The following SCEL variants were observed in gnomAD, a reference collection of about 807,000 sequenced individuals.
SCEL encodes the protein sciellin.
In SCEL, 113 loss-of-function variants were observed where a neutral mutation model predicts 117.6. That is an observed-to-expected ratio of 0.96 (90% CI 0.83 to 1.12). The LOEUF (loss-of-function observed/expected upper bound fraction) is 1.12, where lower values mean the gene tolerates loss of function less well. Ranked by LOEUF, SCEL falls within the 50% of genes most tolerant of loss-of-function variation. SCEL has a pLI of 0.00. For synonymous variants in SCEL, 270 were observed against 256.2 expected, an observed-to-expected ratio of 1.05 and a Z score of -0.51; for missense variants, 785 against 810.8, an observed-to-expected ratio of 0.97 and a Z score of 0.39.
intron 1 of SCEL, among the ~76,000 whole-genome samples, chr13:77,543,241 G>A (rs904089415): frequency 1.4e-4 from 21 of 151,282 alleles, no homozygotes; most frequent in African/African-American, 5.1e-4. Flanking sequence ...CCACCACCAC[G>A]CCCGGCTAAT....
chr13:77,567,632 T>G (rs775701003), intron 5 of SCEL, 48 bp from the exon 6 acceptor site: 15 of 1,344,094 alleles, frequency 1.1e-5, no homozygotes, highest in Admixed American at 1.7e-5. Flanking sequence ...GAAAGGAGTT[T>G]GATAATTTAA....
chr13:77,536,402 G>A (rs2083424829), intron 1 of SCEL, among the ~76,000 whole-genome samples: 1 of 152,068 alleles, frequency 6.6e-6, no homozygotes, highest in African/African-American at 2.4e-5. Context: ...TCACTTGAAA[G>A]TACCAAGGAG....
chr13:77,596,722 T>TGTGG (rs765183030), intron 12 of SCEL, among the ~76,000 whole-genome samples: 4 of 147,446 alleles, frequency 2.7e-5, no homozygotes, highest in African/African-American at 1.0e-4. Flanking sequence ...TGTGTGTGTG[T>TGTGG]GGTCGGGGGT....
At chr13:77,608,207 G>C (rs535929732) in intron 20 of SCEL, 92 bp downstream of exon 20, 1 of 963,202 alleles carries the variant, frequency 1.0e-6, no homozygotes, top group South Asian at 1.7e-5. Flanking sequence ...TTTGGATTGG[G>C]ATCAGAAAGG....
intron 4 of SCEL, 79 bp downstream of exon 4, chr13:77,559,942 G>A: frequency 8.2e-7 from 1 of 1,224,700 alleles, no homozygotes; most frequent in Admixed American, 1.7e-5. Flanking sequence ...CAAGACAGCT[G>A]AATATTTGCA....
chr13:77,564,544 G>A (rs1363688388), intron 5 of SCEL, among the ~76,000 whole-genome samples: 1 of 152,122 alleles, frequency 6.6e-6, no homozygotes, highest in East Asian at 1.9e-4. Context: ...CAAATTTTTA[G>A]TTTAGATTTG....
chr13:77,602,068 C>T lies in SCEL; in HGVS notation c.921C>T (p.Ile307=). 2 of 1,609,190 alleles carry T rather than the reference C, an allele frequency of 1.2e-6. No homozygotes were observed. Among genetic ancestry groups the T allele is most frequent in the Admixed American group, 1.7e-5 (1 of 59,268 alleles). ...CTTTTCCCCCAATGTTGTAAAGAAT[C>T]CAAAGCCTTGGAAGTCCGATTAAAG... ...STRTDKDGKG[I]QSLGSPIKVN... The change falls in exon 16 of 33, where the codon ATC becomes ATT. Residue 307 remains isoleucine, a synonymous_variant. Coordinates refer to ENST00000349847, the MANE Select transcript of SCEL (RefSeq NM_144777.3).
intron 1 of SCEL, among the ~76,000 whole-genome samples, chr13:77,549,305 G>C (rs567698147): frequency 6.6e-6 from 1 of 152,108 alleles, no homozygotes; most frequent in Non-Finnish European, 1.5e-5. Flanking sequence ...TTTCTTTGAT[G>C]ATTAGTGGTG....
At chr13:77,596,274 A>C (rs1567395853) in intron 12 of SCEL, among the ~76,000 whole-genome samples, 2 of 152,110 alleles carry the variant, frequency 1.3e-5, no homozygotes, top group Non-Finnish European at 1.5e-5. Flanking sequence ...CGGAGGTTGC[A>C]GTGAGCCAAG....
intron 1 of SCEL, among the ~76,000 whole-genome samples, chr13:77,550,719 A>T (rs1386276458): frequency 6.6e-6 from 1 of 152,190 alleles, no homozygotes; most frequent in Admixed American, 6.5e-5. Context: ...TATGCTGAGT[A>T]ATATTCTGTT....
intron 9 of SCEL, among the ~76,000 whole-genome samples, chr13:77,580,287 C>T (rs542190521): frequency 2.0e-5 from 3 of 152,228 alleles, no homozygotes; most frequent in South Asian, 4.1e-4. Flanking sequence ...ATGATCTGCC[C>T]GAAAGCCTGA....
chr13:77,568,328 A>C lies in SCEL; in HGVS notation c.393A>C (p.Thr131=). The part of the protein sequence containing the change: ...SMSMFRSLEV[T]KLQPGGSLNA... ...CCATGTTTAGATCACTGGAAGTAACAAAGTTGTATGTATTCTTTCTAATTG... is the reference window on the plus strand; with the variant it reads ...CCATGTTTAGATCACTGGAAGTAACCAAGTTGTATGTATTCTTTCTAATTG... The change falls in exon 7 of 33, where the codon ACA becomes ACC. Residue 131 remains threonine, a synonymous_variant. Coordinates refer to ENST00000349847, the MANE Select transcript of SCEL (RefSeq NM_144777.3). 6.4e-7 allele frequency: 1 copy of C among 1,562,726 alleles called. No homozygotes were observed. Among genetic ancestry groups the C allele is most frequent in the African/African-American group, 1.4e-5 (1 of 73,688 alleles).
Position 77,602,166 on chromosome 13 carries a change from G to A in SCEL, c.977+42G>A. ...CCTTGATGGAGCTCTTTTTATTCAG[G>A]TTAGCTTTTTTACCTCATTAGGAAT... is the stretch of plus-strand genomic sequence containing the variant. On this transcript the variant is annotated intron_variant, in intron 16 of 32. Transcript: ENST00000349847. 7 of 1,551,136 alleles carry A rather than the reference G, an allele frequency of 4.5e-6. No homozygotes were observed. In the South Asian group the frequency reaches 5.9e-5, roughly 13 times the overall value.
intron 5 of SCEL, among the ~76,000 whole-genome samples, chr13:77,565,952 G>T (rs1372718662): frequency 6.6e-6 from 1 of 152,206 alleles, no homozygotes; most frequent in Non-Finnish European, 1.5e-5. Flanking sequence ...CTCCAAGACA[G>T]ATTTTTATTA....
At chr13:77,637,489 G>A (rs553222467) in intron 30 of SCEL, among the ~76,000 whole-genome samples, 10 of 150,974 alleles carry the variant, frequency 6.6e-5, no homozygotes, top group African/African-American at 2.4e-4. Context: ...TCATGTATGT[G>A]CATGGGCAGA....
intron 1 of SCEL, among the ~76,000 whole-genome samples, chr13:77,546,752 G>C (rs1044726294): frequency 1.3e-5 from 2 of 151,946 alleles, no homozygotes; most frequent in East Asian, 1.9e-4. Context: ...GGAAGGAGAA[G>C]TTCAGAGGTA....
At chr13:77,613,101 T>C (rs955304901) in intron 23 of SCEL, among the ~76,000 whole-genome samples, 160 bp downstream of exon 23, 1 of 152,180 alleles carries the variant, frequency 6.6e-6, no homozygotes, top group African/African-American at 2.4e-5. Flanking sequence ...CTGTCTATTA[T>C]TGCTTTCATT....
At chr13:77,620,429 G>A (rs1170441745) in intron 27 of SCEL, among the ~76,000 whole-genome samples, 2 of 152,172 alleles carry the variant, frequency 1.3e-5, no homozygotes, top group African/African-American at 4.8e-5. Flanking sequence ...TATAACAGCA[G>A]TGAATCAGAG....
intron 24 of SCEL, 49 bp from the exon 25 acceptor site, chr13:77,617,550 C>T: frequency 1.8e-6 from 2 of 1,100,760 alleles, no homozygotes; most frequent in South Asian, 2.7e-5. Context: ...TACCTTAAAC[C>T]TGTGATTATC....
Sources: gnomAD v4.1 joint callset for allele counts (sites outside exome capture counted in the v4.1 genomes callset) on GRCh38, gnomAD v4.1.1 for gene constraint, MANE v1.5 for transcripts, NCBI Gene and HGNC (gene_info 2026-07-23, HGNC 2026-07-21) for gene names.